Variants in CIB4 observed in about 807,000 individuals in gnomAD.
The protein encoded by CIB4 is calcium and integrin binding family member 4, also known as calcium and integrin-binding family member 4.
CIB4 carries 25 observed loss-of-function variants against 25.8 expected under a neutral mutation model. The ratio of observed to expected loss-of-function variants is 0.97; its 90% CI spans 0.71 to 1.35. The LOEUF (loss-of-function observed/expected upper bound fraction) is 1.35, where lower values mean the gene tolerates loss of function less well. Among genes scored for constraint, CIB4 ranks in the 40% most tolerant of loss-of-function variants. The pLI, the probability that CIB4 is intolerant of heterozygous loss-of-function variation, is 0.00. For missense variants in CIB4, 235 were observed against 228.2 expected (o/e 1.03, Z -0.19); for synonymous variants, 75 against 81.4 (o/e 0.92, Z 0.42).
intron 3 of CIB4, among the ~76,000 whole-genome samples, chr2:26,613,267 C>T (rs1669030887): frequency 6.6e-6 from 1 of 152,134 alleles, no homozygotes; most frequent in Admixed American, 6.5e-5. Flanking sequence ...CCCAAGGTCA[C>T]TTTTCCCATC....
At chr2:26,601,231 A>AAAAAAAAAAAATAT (rs1395827334) in intron 3 of CIB4, among the ~76,000 whole-genome samples, 3 of 17,234 alleles carry the variant, frequency 1.7e-4, no homozygotes, top group African/African-American at 4.5e-4. Flanking sequence ...AAAAAAAAAA[A>AAAAAAAAAAAATAT]ATATATATAT....
intron 3 of CIB4, among the ~76,000 whole-genome samples, chr2:26,596,720 C>T (rs1254346656): frequency 1.3e-5 from 2 of 149,192 alleles, no homozygotes; most frequent in African/African-American, 5.0e-5. Flanking sequence ...GCCCTCCAGC[C>T]TGGGCAAAAA....
rs115320437 is a variant in CIB4 at position 26,585,167 on chromosome 2, G to A, written c.329-1269C>T. The stretch of plus-strand genomic sequence containing the variant: ...GGTCTTCTCAACAGACCTTGGAAGA[G>A]CATGACCTGGAGGGACGGTGGGTGG... On this transcript the variant is annotated intron_variant, in intron 4 of 6. Coordinates refer to ENST00000288861, the MANE Select transcript of CIB4 (RefSeq NM_001029881.3). 3.1e-3 allele frequency among the ~76,000 whole-genome samples: 471 copies of A among 152,278 alleles called. 2 individuals carry two copies. The highest frequency in any genetic ancestry group is 0.011 in the African/African-American group (456 of 41,552).
chr2:26,596,775 C>T (rs1668691185), intron 3 of CIB4, among the ~76,000 whole-genome samples: 1 of 150,398 alleles, frequency 6.6e-6, no homozygotes, highest in South Asian at 2.1e-4. Context: ...AAAGCTTATA[C>T]AGTGATTTGT....
At chr2:26,592,597 G>A (rs1304121543) in intron 4 of CIB4, among the ~76,000 whole-genome samples, 1 of 151,988 alleles carries the variant, frequency 6.6e-6, no homozygotes, top group African/African-American at 2.4e-5. Context: ...ACATGTTAGA[G>A]CTTTCTATTG....
chr2:26,636,198 T>C (rs1041323804), intron 2 of CIB4, among the ~76,000 whole-genome samples: 1 of 152,184 alleles, frequency 6.6e-6, no homozygotes, highest in Non-Finnish European at 1.5e-5. Context: ...TATAAAACAA[T>C]TTTCCTGAAT....
Position 26,589,072 on chromosome 2 carries a change from C to CTCTTCT in CIB4, c.329-5180_329-5175dup, listed in dbSNP as rs1184325583. Among the ~76,000 whole-genome samples, 39 of 40,836 alleles carry CTCTTCT rather than the reference C, an allele frequency of 9.6e-4. 3 individuals are homozygous for CTCTTCT. Among genetic ancestry groups the CTCTTCT allele is most frequent in the African/African-American group, 5.2e-3 (38 of 7,270 alleles). The allele number at this position is 40,836 out of a possible 152,430, so 26.8% of individuals were successfully genotyped here. On this transcript the variant is annotated intron_variant, in intron 4 of 6. Transcript: ENST00000288861. Reference sequence around the variant, plus strand: ...CTTCTTCTTCTTCCTCTTCCTCTTCCTCTTCTTCTTCTTCTTCTTCTTCTT... The same window carrying CTCTTCT: ...CTTCTTCTTCTTCCTCTTCCTCTTCCTCTTCTTCTTCTTCTTCTTCTTCTTCTTCTT...
chr2:26,616,213 C>T (rs79867845), intron 3 of CIB4, among the ~76,000 whole-genome samples: 2,181 of 152,362 alleles, frequency 0.014, 67 homozygotes, highest in African/African-American at 0.05. Context: ...GCCCAGATCT[C>T]AGGACTTCCT....
At chr2:26,599,344 T>C (rs1668739588) in intron 3 of CIB4, among the ~76,000 whole-genome samples, 1 of 152,172 alleles carries the variant, frequency 6.6e-6, no homozygotes, top group Non-Finnish European at 1.5e-5. Context: ...AAACTACAGT[T>C]TATCGACAAT....
chr2:26,629,170 G>C (rs1205906692), intron 3 of CIB4, among the ~76,000 whole-genome samples: 1 of 148,224 alleles, frequency 6.7e-6, no homozygotes, highest in Non-Finnish European at 1.5e-5. Flanking sequence ...AGTAGTGACT[G>C]TTATCACAGG....
intron 4 of CIB4, among the ~76,000 whole-genome samples, chr2:26,587,765 A>G (rs567844226): frequency 1.3e-5 from 2 of 152,304 alleles, no homozygotes; most frequent in East Asian, 3.9e-4. Flanking sequence ...ATTCTACATC[A>G]CTTGATTGCT....
intron 3 of CIB4, among the ~76,000 whole-genome samples, chr2:26,616,713 C>A (rs1327232750): frequency 2.0e-5 from 3 of 152,228 alleles, no homozygotes; most frequent in East Asian, 3.9e-4. Flanking sequence ...CCCCGGCCAC[C>A]AGCTCCTTCC....
At chr2:26,625,549 T>G (rs937426241) in intron 3 of CIB4, among the ~76,000 whole-genome samples, 2 of 152,028 alleles carry the variant, frequency 1.3e-5, no homozygotes, top group African/African-American at 4.8e-5. Flanking sequence ...ACGGGGTTTT[T>G]CCATGTTAAT....
intron 3 of CIB4, among the ~76,000 whole-genome samples, chr2:26,602,770 G>A (rs1668817318): frequency 6.6e-6 from 1 of 152,152 alleles, no homozygotes; most frequent in Non-Finnish European, 1.5e-5. Context: ...GCAATGAGAA[G>A]GGCGGTTCAG....
In CIB4 at chr2:26,581,220, T is replaced by C; in HGVS notation, c.*143A>G. The C allele has an allele frequency of 1.5e-6, 1 of 676,944 alleles. No individual in the cohort carries two copies. Among genetic ancestry groups the C allele is most frequent in the South Asian group, 1.8e-5 (1 of 55,512 alleles). 41.9% of individuals were successfully genotyped at this position (676,944 alleles called of 1,614,324 possible). ...TCTGATGGGCTAAGGAAAAGCTTTT[T>C]CTTTTATCTAATAAACAATATTCTA... On this transcript the variant is annotated 3_prime_UTR_variant, in exon 7 of 7. Transcript: ENST00000288861.
At chr2:26,582,405 T>C (rs546927867) in intron 6 of CIB4, among the ~76,000 whole-genome samples, 50 of 152,170 alleles carry the variant, frequency 3.3e-4, no homozygotes, top group Admixed American at 8.5e-4. Context: ...AGAAATAGAA[T>C]TGGGTGCTTC....
chr2:26,600,631 G>A (rs1021669270), intron 3 of CIB4, among the ~76,000 whole-genome samples: 2 of 152,150 alleles, frequency 1.3e-5, no homozygotes, highest in African/African-American at 4.8e-5. Flanking sequence ...AGTGCCTCAT[G>A]GCTGTGTAAG....
At chr2:26,582,233 C>G (rs935683642) in intron 6 of CIB4, among the ~76,000 whole-genome samples, 6 of 152,202 alleles carry the variant, frequency 3.9e-5, no homozygotes, top group African/African-American at 1.4e-4. Flanking sequence ...CCAGCTCCAC[C>G]CGGCTGGTCC....
intron 3 of CIB4, among the ~76,000 whole-genome samples, chr2:26,611,422 G>A (rs112850405): frequency 0.013 from 2,029 of 152,348 alleles, 43 homozygotes; most frequent in African/African-American, 0.046. Context: ...CTCTAGTGAT[G>A]TGTCACAGGG....
Sources: gnomAD v4.1 joint callset for allele counts (sites outside exome capture counted in the v4.1 genomes callset) on GRCh38, gnomAD v4.1.1 for gene constraint, MANE v1.5 for transcripts, NCBI Gene and HGNC (gene_info 2026-07-23, HGNC 2026-07-21) for gene names.